Variants in URB1 observed in about 807,000 individuals in gnomAD.
URB1 encodes nucleolar pre-ribosomal-associated protein 1.
In URB1, 197 loss-of-function variants were observed where a neutral mutation model predicts 242.3. That is an observed-to-expected ratio of 0.81 (90% CI 0.72 to 0.91). URB1 has a LOEUF of 0.91. URB1 is among the 40% of genes least tolerant of loss of function. The probability of loss-of-function intolerance (pLI) is 0.00; values close to 1 mark genes in which losing one functional copy is unlikely to be tolerated. For synonymous variants in URB1, 1,153 were observed against 1,201.8 expected, an observed-to-expected ratio of 0.96 and a Z score of 0.84; for missense variants, 2,721 against 2,860.5, an observed-to-expected ratio of 0.95 and a Z score of 1.11.
At chr21:32,359,970 T>C in intron 13 of URB1, 62 bp from the exon 14 acceptor site, 1 of 1,444,518 alleles carries the variant, frequency 6.9e-7, no homozygotes, top group Non-Finnish European at 9.4e-7. Context: ...CAACAATTGC[T>C]GCCCTGGCCA....
At chr21:32,375,511 A>C in intron 5 of URB1, 28 bp from the exon 6 acceptor site, 1 of 1,330,644 alleles carries the variant, frequency 7.5e-7, no homozygotes, top group Non-Finnish European at 1.0e-6. Flanking sequence ...AAAGCATTAA[A>C]TTCAAAAATA....
chr21:32,384,107 G>A (rs2033555834), intron 3 of URB1, among the ~76,000 whole-genome samples: 1 of 152,220 alleles, frequency 6.6e-6, no homozygotes, highest in Non-Finnish European at 1.5e-5. Context: ...GGCAGGACAA[G>A]AGGGACAAGG....
At chr21:32,364,802 A>T (rs918384279) in intron 10 of URB1, among the ~76,000 whole-genome samples, 1 of 152,104 alleles carries the variant, frequency 6.6e-6, no homozygotes, top group Non-Finnish European at 1.5e-5. Context: ...AACAAAAAAA[A>T]ACAAACATCA....
chr21:32,353,985 A>G lies in URB1; in HGVS notation c.2364T>C (p.Pro788=). ...LLTFPFSAVV[P]AALEARNKLL... ...ACTTATTCCTGGCTTCCAGGGCCGC[A>G]GGGACTACCGCACTGAATGGGAACG... Residue 788 remains proline, a synonymous_variant, in exon 18 of 39, where the codon CCT becomes CCC. Coordinates refer to ENST00000382751, the MANE Select transcript of URB1 (RefSeq NM_014825.3). 6.4e-7 allele frequency: 1 copy of G among 1,551,792 alleles called. No homozygotes were observed. The highest frequency in any genetic ancestry group is 8.7e-7 in the Non-Finnish European group (1 of 1,147,010).
chr21:32,327,253 ACAG>A (rs2032840680), intron 30 of URB1, among the ~76,000 whole-genome samples: 1 of 152,222 alleles, frequency 6.6e-6, no homozygotes, highest in Non-Finnish European at 1.5e-5. Flanking sequence ...CACATGACAT[ACAG>A]AAGAATGAAG....
chr21:32,370,481 G>A (rs1568828473), intron 8 of URB1, among the ~76,000 whole-genome samples: 1 of 152,076 alleles, frequency 6.6e-6, no homozygotes, highest in Non-Finnish European at 1.5e-5. Flanking sequence ...AATCAACAAC[G>A]TAATAAAATG....
chr21:32,367,499 C>G (rs1033720001), intron 9 of URB1, among the ~76,000 whole-genome samples: 1 of 152,204 alleles, frequency 6.6e-6, no homozygotes, highest in African/African-American at 2.4e-5. Context: ...CAGGTAGAGG[C>G]ACAAGAAACA....
Position 32,354,981 on chromosome 21 carries a change from A to C in URB1, c.2123T>G (p.Val708Gly). Residue 708 changes from valine (V) to glycine (G), a missense_variant, in exon 17 of 39, where the codon GTG (valine) becomes GGG (glycine). Physicochemically the swap from Val to Gly is moderately radical, Grantham distance 109. Transcript: ENST00000382751. ...GTCTGTGTATGAATAGGGATTCGCC[A>C]CCAATGTCAATAAAATCTGGGCATT... is the stretch of plus-strand genomic sequence containing the variant. Reference protein sequence around the residue: ...QFLERILLTLVANPYSYTDKA... With the variant: ...QFLERILLTLGANPYSYTDKA... 1 of 1,550,166 alleles carries C rather than the reference A, an allele frequency of 6.5e-7. No individual in the cohort carries two copies. The highest frequency in any genetic ancestry group is 8.7e-7 in the Non-Finnish European group (1 of 1,145,556).
At chr21:32,339,940 C>T (rs192988200) in intron 25 of URB1, among the ~76,000 whole-genome samples, 32 of 152,224 alleles carry the variant, frequency 2.1e-4, no homozygotes, top group African/African-American at 7.7e-4. Flanking sequence ...TCCTCACTCT[C>T]CTCTACTCAG....
Position 32,312,934 on chromosome 21 carries a change from T to C in URB1, c.*1984A>G, listed in dbSNP as rs1210497440. Reference sequence around the variant, plus strand: ...TCGATCTATTCTCCATGGGATGAGATTCCCTTCCTCCACACTAAGTGACTG... The same window carrying C: ...TCGATCTATTCTCCATGGGATGAGACTCCCTTCCTCCACACTAAGTGACTG... On this transcript the variant is annotated 3_prime_UTR_variant, in exon 39 of 39. Coordinates refer to ENST00000382751, the MANE Select transcript of URB1 (RefSeq NM_014825.3). 1 of 152,206 alleles carries C rather than the reference T, an allele frequency of 6.6e-6. No homozygotes were observed. Among genetic ancestry groups the C allele is most frequent in the Non-Finnish European group, 1.5e-5 (1 of 68,042 alleles). The allele number at this position is 152,206 out of a possible 1,614,324, so 9.4% of individuals were successfully genotyped here. A position where few individuals can be genotyped will look rare whatever the true frequency, so the allele number is the denominator to read the frequency against.
chr21:32,373,547 G>A (rs907644668), intron 7 of URB1, 100 bp downstream of exon 7: 19 of 1,291,496 alleles, frequency 1.5e-5, no homozygotes, highest in Non-Finnish European at 1.2e-5. Flanking sequence ...ATCAAATGAG[G>A]GGACTTCAAG....
At chr21:32,385,403 A>C (rs1438949576) in intron 2 of URB1, 142 bp downstream of exon 2, 1 of 1,243,494 alleles carries the variant, frequency 8.0e-7, no homozygotes, top group Non-Finnish European at 1.1e-6. Context: ...CAAAAAATGA[A>C]TACATTCCTA....
Position 32,373,688 on chromosome 21 carries a change from T to C in URB1, c.835A>G (p.Asn279Asp), listed in dbSNP as rs1158517821. 2 of 1,546,684 alleles carry C rather than the reference T, an allele frequency of 1.3e-6. No homozygotes were observed. Among genetic ancestry groups the C allele is most frequent in the Non-Finnish European group, 1.7e-6 (2 of 1,145,394 alleles). The change falls in exon 7 of 39, where the codon AAC (asparagine) becomes GAC (aspartate). Residue 279 changes from asparagine to aspartate, a missense_variant. Physicochemically the swap from Asn to Asp is conservative, Grantham distance 23. Transcript: ENST00000382751. ...TTCACATCGGTAATCCCATTCCAGT[T>C]GTACAGCGATGCTATGTGGTTCAAT... ...QLLNHIASLY[N>D]WNGITDVNPE... is the part of the protein sequence containing the mutation.
rs538843308 is a variant in URB1 at position 32,316,444 on chromosome 21, C to T, written c.6634+22G>A. On this transcript the variant is annotated intron_variant, in intron 38 of 38. Coordinates refer to ENST00000382751, the MANE Select transcript of URB1 (RefSeq NM_014825.3). ...ACTTCTGCATCTATTTCTTCAGCCTCCAACAAAAGAACCAGCCTTACCTTG... is the reference window on the plus strand; with the variant it reads ...ACTTCTGCATCTATTTCTTCAGCCTTCAACAAAAGAACCAGCCTTACCTTG... The T allele has an allele frequency of 2.1e-4, 306 of 1,472,804 alleles. 2 individuals are homozygous for T. In the East Asian group the frequency reaches 7.4e-3, roughly 35 times the overall value. The allele number at this position is 1,472,804 out of a possible 1,614,324, so 91.2% of individuals were successfully genotyped here.
rs991408817 is a variant in URB1, at chr21:32,357,490, C to A, written c.1989+47G>T. The A allele has an allele frequency of 2.1e-6, 3 of 1,442,858 alleles. No homozygotes were observed. The African/African-American group carries it at 4.4e-5, about 21-fold the overall frequency. The allele number at this position is 1,442,858 out of a possible 1,614,324, so 89.4% of individuals were successfully genotyped here. On this transcript the variant is annotated intron_variant, in intron 15 of 38. Coordinates refer to ENST00000382751, the MANE Select transcript of URB1 (RefSeq NM_014825.3). ...ACTAAACACTTACCATAAGGAAGAT[C>A]TATACAAAATGCTTTTCAGAGTTAG...
intron 30 of URB1, among the ~76,000 whole-genome samples, chr21:32,329,687 A>C (rs1387503336): frequency 1.3e-5 from 2 of 152,234 alleles, no homozygotes; most frequent in African/African-American, 4.8e-5. Flanking sequence ...AAAACGGAGC[A>C]GTGGGACTGT....
At chr21:32,327,879 C>A (rs2032847960) in intron 30 of URB1, among the ~76,000 whole-genome samples, 1 of 152,148 alleles carries the variant, frequency 6.6e-6, no homozygotes, top group African/African-American at 2.4e-5. Flanking sequence ...TGCACTCATA[C>A]ACATACAAAA....
In URB1 at chr21:32,363,254, C is replaced by T. The variant is rs1451351975; in HGVS notation, c.1411G>A (p.Asp471Asn). The T allele has an allele frequency of 3.2e-6, 5 of 1,551,826 alleles. No homozygotes were observed. The highest frequency in any genetic ancestry group is 4.9e-5 in the East Asian group (2 of 40,936). The stretch of plus-strand genomic sequence containing the variant: ...CACACCTCTTTATTCAGGCAGTGGT[C>T]AACAGTTTTTAATGCCCTCTTCAAA... Reference protein sequence around the residue: ...VILKRALKTVDHCLNKEVWQE... With the variant: ...VILKRALKTVNHCLNKEVWQE... Residue 471 changes from aspartate (D) to asparagine (N), a missense_variant, in exon 11 of 39, where the codon GAC becomes AAC. Physicochemically the swap from Asp to Asn is conservative, Grantham distance 23 (BLOSUM62 1). Coordinates refer to ENST00000382751, the MANE Select transcript of URB1 (RefSeq NM_014825.3).
At chr21:32,358,587 G>C (rs941400468) in intron 14 of URB1, among the ~76,000 whole-genome samples, 2 of 152,168 alleles carry the variant, frequency 1.3e-5, no homozygotes, top group African/African-American at 2.4e-5. Context: ...ATGGTGAGGT[G>C]CTGGTTAGCT....
Sources: gnomAD v4.1 joint callset for allele counts (sites outside exome capture counted in the v4.1 genomes callset) on GRCh38, gnomAD v4.1.1 for gene constraint, MANE v1.5 for transcripts, NCBI Gene and HGNC (gene_info 2026-07-23, HGNC 2026-07-21) for gene names.